Variants in AGBL4 observed in about 807,000 individuals in gnomAD.
The protein encoded by AGBL4 is cytosolic carboxypeptidase 6.
AGBL4 carries 58 observed loss-of-function variants against 66.4 expected under a neutral mutation model. The ratio of observed to expected loss-of-function variants is 0.87; its 90% CI spans 0.71 to 1.09. The LOEUF (loss-of-function observed/expected upper bound fraction) is 1.09, where lower values mean the gene tolerates loss of function less well. Ranked by LOEUF, AGBL4 falls within the 50% of genes least tolerant of loss-of-function variation. AGBL4 has a pLI of 0.00. For synonymous variants in AGBL4, 234 were observed against 222.9 expected, an observed-to-expected ratio of 1.05 and a Z score of -0.44; for missense variants, 579 against 631.0, an observed-to-expected ratio of 0.92 and a Z score of 0.88.
intron 1 of AGBL4, among the ~76,000 whole-genome samples, chr1:49,956,184 G>C (rs1201182037): frequency 6.6e-6 from 1 of 151,892 alleles, no homozygotes; most frequent in Middle Eastern, 3.4e-3. Context: ...TTAGGATGGA[G>C]AGATAAAATA....
intron 5 of AGBL4, among the ~76,000 whole-genome samples, chr1:48,952,463 G>T (rs1316437746): frequency 6.6e-6 from 1 of 152,232 alleles, no homozygotes; most frequent in African/African-American, 2.4e-5. Context: ...TGAGAAGAAT[G>T]GAGAGAAGCT....
At chr1:49,285,406 CAA>C (rs1439928457) in intron 3 of AGBL4, among the ~76,000 whole-genome samples, 1 of 151,868 alleles carries the variant, frequency 6.6e-6, no homozygotes, top group African/African-American at 2.4e-5. Flanking sequence ...TAAATGCCCA[CAA>C]GAGAAAGCAG....
At chr1:48,551,888 G>C (rs531856539) in intron 11 of AGBL4, among the ~76,000 whole-genome samples, 5 of 151,974 alleles carry the variant, frequency 3.3e-5, no homozygotes, top group Non-Finnish European at 5.9e-5. Context: ...CACCCTAATG[G>C]GGTCTTTTGA....
intron 5 of AGBL4, among the ~76,000 whole-genome samples, chr1:48,921,404 A>G (rs1169271353): frequency 6.6e-6 from 1 of 152,226 alleles, no homozygotes; most frequent in African/African-American, 2.4e-5. Context: ...AATGACAATA[A>G]TATCAGACAT....
intron 3 of AGBL4, among the ~76,000 whole-genome samples, chr1:49,366,720 T>C (rs1452823315): frequency 6.6e-6 from 1 of 152,152 alleles, no homozygotes; most frequent in East Asian, 1.9e-4. Flanking sequence ...TCTTGAAACA[T>C]TAGACACCTA....
chr1:48,945,699 A>G (rs998532344), intron 5 of AGBL4, among the ~76,000 whole-genome samples: 1 of 152,184 alleles, frequency 6.6e-6, no homozygotes, highest in African/African-American at 2.4e-5. Context: ...TCGACTCTGT[A>G]TTGCCAGGTG....
intron 6 of AGBL4, among the ~76,000 whole-genome samples, chr1:48,809,528 T>A (rs1450382108): frequency 6.6e-6 from 1 of 152,168 alleles, no homozygotes; most frequent in East Asian, 1.9e-4. Context: ...GATAGCACCC[T>A]TTCTGAGCTT....
chr1:49,487,581 A>G (rs1306950678), intron 3 of AGBL4, among the ~76,000 whole-genome samples: 1 of 151,844 alleles, frequency 6.6e-6, no homozygotes, highest in African/African-American at 2.4e-5. Context: ...TGCCCTGTGA[A>G]GAAGGTACCT....
chr1:49,367,419 C>T (rs1489565397), intron 3 of AGBL4, among the ~76,000 whole-genome samples: 1 of 152,166 alleles, frequency 6.6e-6, no homozygotes, highest in Non-Finnish European at 1.5e-5. Flanking sequence ...TGCCATCTGC[C>T]ATAAGTGTAA....
intron 9 of AGBL4, among the ~76,000 whole-genome samples, chr1:48,628,047 T>C (rs1004483645): frequency 3.3e-5 from 5 of 152,222 alleles, no homozygotes; most frequent in African/African-American, 1.2e-4. Context: ...AAGCATGCAT[T>C]GTTTATTCAT....
At chr1:50,014,596 C>T (rs1041359032) in intron 1 of AGBL4, among the ~76,000 whole-genome samples, 32 of 139,928 alleles carry the variant, frequency 2.3e-4, no homozygotes, top group African/African-American at 8.4e-4. Flanking sequence ...ATAGTCTCAG[C>T]TCACTGCAAC....
chr1:48,721,282 A>G (rs1210702935), intron 6 of AGBL4, among the ~76,000 whole-genome samples: 7 of 152,168 alleles, frequency 4.6e-5, no homozygotes, highest in African/African-American at 1.4e-4. Context: ...GATCACTGCA[A>G]TTCAGACCCT....
chr1:49,898,540 T>A (rs1302329397), intron 1 of AGBL4, among the ~76,000 whole-genome samples: 3 of 152,066 alleles, frequency 2.0e-5, no homozygotes, highest in African/African-American at 4.8e-5. Context: ...ACAACTGCTA[T>A]GGGAACAGTT....
chr1:49,570,739 A>G (rs915351794), intron 3 of AGBL4, among the ~76,000 whole-genome samples: 4 of 152,072 alleles, frequency 2.6e-5, no homozygotes, highest in African/African-American at 9.7e-5. Context: ...TAAGCATTTA[A>G]TTCATCTTGA....
intron 3 of AGBL4, among the ~76,000 whole-genome samples, chr1:49,560,294 A>C (rs945653522): frequency 1.3e-5 from 2 of 152,198 alleles, no homozygotes; most frequent in Non-Finnish European, 2.9e-5. Flanking sequence ...ATTTGAAAAG[A>C]ATCAAGCAGA....
At chr1:49,616,041 A>G (rs1322872651) in intron 3 of AGBL4, among the ~76,000 whole-genome samples, 1 of 152,086 alleles carries the variant, frequency 6.6e-6, no homozygotes, top group Admixed American at 6.6e-5. Context: ...ATCCTATTTC[A>G]CTGCCTTTGA....
chr1:49,647,769 G>T (rs1473593235), intron 3 of AGBL4, among the ~76,000 whole-genome samples: 1 of 151,036 alleles, frequency 6.6e-6, no homozygotes, highest in Non-Finnish European at 1.5e-5. Context: ...CCCACCTCCA[G>T]CCCACTCTAG....
intron 4 of AGBL4, among the ~76,000 whole-genome samples, chr1:49,203,277 C>T (rs1387601976): frequency 1.3e-5 from 2 of 151,870 alleles, no homozygotes; most frequent in African/African-American, 4.8e-5. Context: ...TGGATCTATA[C>T]CCGAAATAAT....
At chr1:48,715,079 T>G (rs975347751) in intron 6 of AGBL4, among the ~76,000 whole-genome samples, 2 of 152,124 alleles carry the variant, frequency 1.3e-5, no homozygotes, top group Non-Finnish European at 2.9e-5. Flanking sequence ...TCAGACAATG[T>G]GGACAAGGAC....
Sources: allele counts gnomAD v4.1 joint callset (sites outside exome capture counted in the v4.1 genomes callset), GRCh38; gene constraint gnomAD v4.1.1; transcripts MANE v1.5; gene names NCBI Gene and HGNC (gene_info 2026-07-23, HGNC 2026-07-21).